The following HAVCR2 variants were observed in gnomAD, a reference collection of about 807,000 sequenced individuals.
HAVCR2 encodes the protein T cell immunoglobulin mucin 3.
A neutral mutation model predicts 24.7 loss-of-function variants in HAVCR2; 13 were observed. The observed-to-expected ratio is 0.53, with a 90% CI of 0.34 to 0.84. The LOEUF is 0.84. HAVCR2 is among the 40% of genes least tolerant of loss of function. The probability of loss-of-function intolerance (pLI) is 0.01; values close to 1 mark genes in which losing one functional copy is unlikely to be tolerated. For missense variants in HAVCR2, 343 were observed against 371.2 expected (o/e 0.92, Z 0.62); for synonymous variants, 154 against 143.4 (o/e 1.07, Z -0.53).
chr5:157,092,854 A>G (rs1757024530), intron 5 of HAVCR2, among the ~76,000 whole-genome samples: 1 of 132,162 alleles, frequency 7.6e-6, no homozygotes, highest in Non-Finnish European at 1.6e-5. Context: ...TTTTCTGGGC[A>G]ACATGGCAAA....
At position 157,098,848 on chromosome 5, in the gene HAVCR2, A is replaced by T. The variant is rs376960323; in HGVS notation, c.522+10T>A. 63 of 1,611,848 alleles carry T rather than the reference A, an allele frequency of 3.9e-5. No homozygotes were observed. In the African/African-American group the frequency reaches 7.3e-4, roughly 19 times the overall value. On this transcript the variant is annotated intron_variant, in intron 4 of 6. Coordinates refer to ENST00000307851, the MANE Select transcript of HAVCR2 (RefSeq NM_032782.5). Reference sequence around the variant, plus strand: ...TGAGTACAACATAGCTCACAAAAAAAGTTACTTACTGTTAGATTTATATCA... The same window carrying T: ...TGAGTACAACATAGCTCACAAAAAATGTTACTTACTGTTAGATTTATATCA...
At chr5:157,101,026 G>A (rs1192227319) in intron 3 of HAVCR2, among the ~76,000 whole-genome samples, 1 of 151,234 alleles carries the variant, frequency 6.6e-6, no homozygotes, top group Non-Finnish European at 1.5e-5. Context: ...AACCCAGGAG[G>A]TGGAGGTTGC....
intron 6 of HAVCR2, 89 bp from the exon 7 acceptor site, chr5:157,087,383 C>A (rs1326183551): frequency 1.8e-6 from 2 of 1,101,498 alleles, no homozygotes; most frequent in Non-Finnish European, 2.6e-6. Flanking sequence ...AAAGAGACAG[C>A]AACTAAATAT....
At chr5:157,092,550 G>T (rs1581756108) in intron 5 of HAVCR2, among the ~76,000 whole-genome samples, 1 of 151,816 alleles carries the variant, frequency 6.6e-6, no homozygotes, top group Non-Finnish European at 1.5e-5. Context: ...GGGCTCAAGT[G>T]ATTCTCCCAC....
In HAVCR2 at chr5:157,087,061, A is replaced by C. The variant is rs751278199; in HGVS notation, c.*41T>G. 6.3e-7 allele frequency: 1 copy of C among 1,591,756 alleles called. No individual in the cohort carries two copies. On this transcript the variant is annotated 3_prime_UTR_variant, in exon 7 of 7. Coordinates refer to ENST00000307851, the MANE Select transcript of HAVCR2 (RefSeq NM_032782.5). Reference sequence around the variant, plus strand: ...CAGGTGACACAGCTCATAGTTTCTGAAAAAGACAAAACACCAAGCTCAAAA... The same window carrying C: ...CAGGTGACACAGCTCATAGTTTCTGCAAAAGACAAAACACCAAGCTCAAAA...
chr5:157,089,124 T>C (rs2113683776), intron 5 of HAVCR2, 147 bp from the exon 6 acceptor site: 2 of 650,440 alleles, frequency 3.1e-6, no homozygotes, highest in East Asian at 5.3e-5. Context: ...AACGTGTGCC[T>C]TAGATAGTTA....
chr5:157,090,073 G>A (rs1401645059), intron 5 of HAVCR2, among the ~76,000 whole-genome samples: 1 of 150,142 alleles, frequency 6.7e-6, no homozygotes, highest in Non-Finnish European at 1.5e-5. Context: ...GTCTTCTGGG[G>A]ATGCAGTTTC....
At chr5:157,108,800 C>T (rs535095651) in intron 1 of HAVCR2, 126 bp downstream of exon 1, 13 of 720,004 alleles carry the variant, frequency 1.8e-5, no homozygotes, top group South Asian at 4.7e-5. Context: ...CCCTCATCGA[C>T]GGACATTTAG....
In HAVCR2 at chr5:157,103,341, A is replaced by T. The variant is rs188939782; in HGVS notation, c.478+1325T>A. 2.5e-3 allele frequency among the ~76,000 whole-genome samples: 372 copies of T among 150,662 alleles called. 1 individual carries two copies. Among genetic ancestry groups the T allele is most frequent in the African/African-American group, 8.6e-3 (352 of 40,930 alleles). ...AGCCGAGATTGCGCCACTGCACTCT[A>T]GTCTGGGTGACAGAGCAAGACTCCG... On this transcript the variant is annotated intron_variant, in intron 3 of 6. Coordinates refer to ENST00000307851, the MANE Select transcript of HAVCR2 (RefSeq NM_032782.5).
intron 3 of HAVCR2, 90 bp downstream of exon 3, chr5:157,104,576 C>T: frequency 1.1e-6 from 1 of 902,332 alleles, no homozygotes; most frequent in Non-Finnish European, 1.7e-6. Context: ...TCCACTCTCA[C>T]ACTGTTTTCT....
chr5:157,087,403 T>A (rs1455846402), intron 6 of HAVCR2, 109 bp from the exon 7 acceptor site: 7 of 836,488 alleles, frequency 8.4e-6, no homozygotes, highest in Non-Finnish European at 1.2e-5. Flanking sequence ...TAGTGCATGA[T>A]CTTTGATCAG....
At chr5:157,104,488 CT>C (rs1383228863) in intron 3 of HAVCR2, among the ~76,000 whole-genome samples, 177 bp downstream of exon 3, 1 of 152,214 alleles carries the variant, frequency 6.6e-6, no homozygotes, top group Non-Finnish European at 1.5e-5. Flanking sequence ...GCCAGACCAT[CT>C]TTTTCCCAGC....
intron 4 of HAVCR2, among the ~76,000 whole-genome samples, chr5:157,097,108 G>A (rs1018673294): frequency 3.3e-5 from 5 of 152,118 alleles, no homozygotes; most frequent in African/African-American, 7.2e-5. Context: ...ATTAAGCATT[G>A]TGGGCACATA....
At position 157,108,939 on chromosome 5, in the gene HAVCR2, C is replaced by A; in HGVS notation, c.45G>T (p.Leu15=). The part of the protein sequence containing the change: ...LPFDCVLLLL[L]LLLTRSSEVE... ...GCCGAGACTTACTTGTAAGTAGTAGCAGCAGCAGCAGCAGGACACAGTCAA... is the reference window on the plus strand; with the variant it reads ...GCCGAGACTTACTTGTAAGTAGTAGAAGCAGCAGCAGCAGGACACAGTCAA... The change falls in exon 1 of 7, where the codon CTG becomes CTT. Residue 15 remains leucine, a synonymous_variant. Transcript: ENST00000307851. 6.4e-7 allele frequency: 1 copy of A among 1,558,156 alleles called. No homozygotes were observed. Among genetic ancestry groups the A allele is most frequent in the Non-Finnish European group, 8.8e-7 (1 of 1,138,908 alleles).
Position 157,087,036 on chromosome 5 carries a change from C to T in HAVCR2, c.*66G>A. On this transcript the variant is annotated 3_prime_UTR_variant, in exon 7 of 7. Transcript: ENST00000307851. ...AGTGGACAGAACCTCCAAAACCAGT[C>T]AGGTGACACAGCTCATAGTTTCTGA... 1.4e-6 allele frequency: 2 copies of T among 1,435,442 alleles called. No individual in the cohort carries two copies. The highest frequency in any genetic ancestry group is 1.2e-5 in the South Asian group (1 of 82,966). 88.9% of individuals were successfully genotyped at this position (1,435,442 alleles called of 1,614,324 possible).
chr5:157,106,752 T>G lies in HAVCR2; in HGVS notation c.269A>C (p.Lys90Thr). Residue 90 changes from lysine (K) to threonine (T), a missense_variant, in exon 2 of 7, where the codon AAA becomes ACA. Transcript: ENST00000307851. Reference sequence around the variant, plus strand: ...CTCTATGGTCAGGGACACATCTCCTTTGCGGAAATCCCCATTTAGCCAGTA... The same window carrying G: ...CTCTATGGTCAGGGACACATCTCCTGTGCGGAAATCCCCATTTAGCCAGTA... ...SRYWLNGDFRKGDVSLTIENV... is the reference protein window; with the variant it reads ...SRYWLNGDFRTGDVSLTIENV... 1 of 1,614,208 alleles carries G rather than the reference T, an allele frequency of 6.2e-7. No individual in the cohort carries two copies. Among genetic ancestry groups the G allele is most frequent in the African/African-American group, 1.3e-5 (1 of 75,066 alleles).
chr5:157,104,854 A>G lies in HAVCR2; in HGVS notation c.395-105T>C, dbSNP rs1036200. ...AAAAAATGCGAAAGACAATTAAGAAAGAGAAATACACCCTCAGCTTCCAAA... is the reference window on the plus strand; with the variant it reads ...AAAAAATGCGAAAGACAATTAAGAAGGAGAAATACACCCTCAGCTTCCAAA... On this transcript the variant is annotated intron_variant, in intron 2 of 6. Transcript: ENST00000307851. The G allele has an allele frequency of 0.83, 596,810 of 715,932 alleles. 250,152 individuals carry two copies. The highest frequency in any genetic ancestry group is 0.98 in the East Asian group (33,505 of 34,108). The allele number at this position is 715,932 out of a possible 1,614,324, so 44.3% of individuals were successfully genotyped here.
chr5:157,087,678 G>C (rs1441812875), intron 6 of HAVCR2, among the ~76,000 whole-genome samples: 2 of 152,050 alleles, frequency 1.3e-5, no homozygotes, highest in Non-Finnish European at 2.9e-5. Context: ...GGCTGAGCCT[G>C]GCAGATCACG....
At chr5:157,100,993 G>T (rs1453198802) in intron 3 of HAVCR2, among the ~76,000 whole-genome samples, 1 of 152,026 alleles carries the variant, frequency 6.6e-6, no homozygotes, top group Non-Finnish European at 1.5e-5. Flanking sequence ...CTACTCAGGA[G>T]GCTGAGGCAG....
Sources: allele counts gnomAD v4.1 joint callset (sites outside exome capture counted in the v4.1 genomes callset), GRCh38; gene constraint gnomAD v4.1.1; transcripts MANE v1.5; gene names NCBI Gene and HGNC (gene_info 2026-07-23, HGNC 2026-07-21).